REG3A: variants seen among roughly 807,000 people sequenced by gnomAD.
REG3A encodes the protein regenerating islet-derived protein 3-alpha.
REG3A carries 15 observed loss-of-function variants against 20.5 expected under a neutral mutation model. That is an observed-to-expected ratio of 0.73 (90% confidence interval 0.49 to 1.12). The LOEUF is 1.12. Ranked by LOEUF, REG3A falls within the 50% of genes most tolerant of loss-of-function variation. REG3A has a pLI of 0.00. For synonymous variants in REG3A, 93 were observed against 83.2 expected, an observed-to-expected ratio of 1.12 and a Z score of -0.64; for missense variants, 224 against 213.1, an observed-to-expected ratio of 1.05 and a Z score of -0.32.
chr2:79,159,584 C>G lies in REG3A; in HGVS notation c.-35+144G>C, dbSNP rs182319666. On this transcript the variant is annotated intron_variant, in intron 1 of 5. Transcript: ENST00000305165. ...TGAATGAGTTGTGAATCTGTGTACT[C>G]TCCCATCCCCGAGCCCTCCCAGGAC... The G allele has an allele frequency of 1.1e-3, 703 of 635,434 alleles. 2 individuals carry two copies. The highest frequency in any genetic ancestry group is 1.5e-3 in the Non-Finnish European group (554 of 363,634). 39.4% of individuals were successfully genotyped at this position (635,434 alleles called of 1,614,324 possible). A position where few individuals can be genotyped will look rare whatever the true frequency, so the allele number is the denominator to read the frequency against.
Position 79,159,441 on chromosome 2 carries a change from T to G in REG3A, c.-34-2A>C, listed in dbSNP as rs766640942. 1 of 1,606,712 alleles carries G rather than the reference T, an allele frequency of 6.2e-7. No individual in the cohort carries two copies. On this transcript the variant is annotated splice_acceptor_variant, in intron 1 of 5. Transcript: ENST00000305165. LOFTEE classifies it low-confidence loss of function (5UTR_SPLICE). ...ACTTGAGGAGGCAATCAGGAGTCAC[T>G]AAAGAAAGCGTGGTCAGTGGGAGAA...
Position 79,157,135 on chromosome 2 carries a change from C to G in REG3A, c.*91G>C. 2 of 990,226 alleles carry G rather than the reference C, an allele frequency of 2.0e-6. No individual in the cohort carries two copies. Among genetic ancestry groups the G allele is most frequent in the African/African-American group, 1.6e-5 (1 of 62,874 alleles). 61.3% of individuals were successfully genotyped at this position (990,226 alleles called of 1,614,324 possible). On this transcript the variant is annotated 3_prime_UTR_variant, in exon 6 of 6. Transcript: ENST00000305165. Reference sequence around the variant, plus strand: ...AGGTGGTCAGGTTGGGGGAATTAAGCGAATATTCTCTTCCAGGGTGAGTCC... The same window carrying G: ...AGGTGGTCAGGTTGGGGGAATTAAGGGAATATTCTCTTCCAGGGTGAGTCC...
rs112889078 is a variant in REG3A, at chr2:79,159,027, C to T, written c.77-258G>A. On this transcript the variant is annotated intron_variant, in intron 2 of 5. Coordinates refer to ENST00000305165, the MANE Select transcript of REG3A (RefSeq NM_002580.3). ...CTCTGGGCTGTCTCTACATTGGGTC[C>T]TCCAATCATTGTCCCTCCCCACATC... is the stretch of plus-strand genomic sequence containing the variant. The T allele has an allele frequency of 2.1e-4, 124 of 577,888 alleles. 1 individual carries two copies. The highest frequency in any genetic ancestry group is 2.1e-3 in the African/African-American group (110 of 53,610). The allele number at this position is 577,888 out of a possible 1,614,324, so 35.8% of individuals were successfully genotyped here.
chr2:79,159,682 G>A, intron 1 of REG3A, 46 bp downstream of exon 1: 1 of 405,272 alleles, frequency 2.5e-6, no homozygotes, highest in South Asian at 3.6e-5. Flanking sequence ...TGTGTCATGT[G>A]CAGTAGCTCC....
Position 79,159,717 on chromosome 2 carries a change from C to T in REG3A, c.-35+11G>A, listed in dbSNP as rs1302471174. The T allele has an allele frequency of 9.4e-6, 3 of 319,648 alleles. No homozygotes were observed. The highest frequency in any genetic ancestry group is 1.2e-5 in the Non-Finnish European group (2 of 166,472). The allele number at this position is 319,648 out of a possible 1,614,324, so 19.8% of individuals were successfully genotyped here. A position where few individuals can be genotyped will look rare whatever the true frequency, so the allele number is the denominator to read the frequency against. ...CTCCCTGGGTCTCATCTTCTCTCAGCTCCCACTTACCTCTCTGGTGGGATA... is the reference window on the plus strand; with the variant it reads ...CTCCCTGGGTCTCATCTTCTCTCAGTTCCCACTTACCTCTCTGGTGGGATA... On this transcript the variant is annotated intron_variant, in intron 1 of 5. Coordinates refer to ENST00000305165, the MANE Select transcript of REG3A (RefSeq NM_002580.3).
chr2:79,158,510 G>T (rs1239668779), intron 3 of REG3A, 47 bp from the exon 4 acceptor site: 14 of 1,611,550 alleles, frequency 8.7e-6, no homozygotes, highest in Non-Finnish European at 1.2e-5. Flanking sequence ...GACCTGCTGA[G>T]GGAGGGCAGG....
Sources: gnomAD v4.1 joint callset for allele counts on GRCh38, gnomAD v4.1.1 for gene constraint, MANE v1.5 for transcripts, NCBI Gene and HGNC (gene_info 2026-07-23, HGNC 2026-07-21) for gene names.